The following ARID1B variants were observed in gnomAD, a reference collection of about 807,000 sequenced individuals.
The protein encoded by ARID1B is AT-rich interactive domain-containing protein 1B.
Under a neutral mutation model 212.3 loss-of-function variants are expected in ARID1B, and 30 were observed. The ratio of observed to expected loss-of-function variants is 0.14; its 90% CI spans 0.11 to 0.19. The LOEUF is 0.19. Among genes scored for constraint, ARID1B ranks in the 10% least tolerant of loss-of-function variants. The pLI, the probability that ARID1B is intolerant of heterozygous loss-of-function variation, is 1.00. For missense variants in ARID1B, 2,891 were observed against 3,204.0 expected (o/e 0.90, Z 2.36); for synonymous variants, 1,402 against 1,301.7 (o/e 1.08, Z -1.66).
Position 156,777,973 on chromosome 6 carries a change from G to T in ARID1B, c.293G>T (p.Ser98Ile). 1 of 1,530,752 alleles carries T rather than the reference G, an allele frequency of 6.5e-7. No individual in the cohort carries two copies. The highest frequency in any genetic ancestry group is 1.2e-5 in the South Asian group (1 of 83,666). The allele number at this position is 1,530,752 out of a possible 1,614,324, so 94.8% of individuals were successfully genotyped here. The change falls in exon 1 of 20, where the codon AGC (serine) becomes ATC (isoleucine). Residue 98 changes from serine (S) to isoleucine (I), a missense_variant. Physicochemically the swap from Ser to Ile is moderately radical, Grantham distance 142. Transcript: ENST00000636930. ...AGAAAAAGTH[S>I]AKSGGSEAAL... Reference sequence around the variant, plus strand: ...GCCGCGGCCGCCGCCGGCACCCACAGCGCCAAGAGCGGCGGCTCCGAGGCG... The same window carrying T: ...GCCGCGGCCGCCGCCGGCACCCACATCGCCAAGAGCGGCGGCTCCGAGGCG...
rs186345765 is a variant in ARID1B, at chr6:157,199,919, A to C, written c.4480-786A>C. Among the ~76,000 whole-genome samples the C allele has an allele frequency of 4.1e-3, 627 of 152,258 alleles. 6 individuals are homozygous for C. The highest frequency in any genetic ancestry group is 0.014 in the African/African-American group (566 of 41,542). ...TGACCTCAGGTGATCCTCCTGCCTC[A>C]GCCTCCCAAAGTGCTGGGATTACAG... is the stretch of plus-strand genomic sequence containing the variant. On this transcript the variant is annotated intron_variant, in intron 17 of 19. Coordinates refer to ENST00000636930, the MANE Select transcript of ARID1B (RefSeq NM_001374828.1).
chr6:157,193,847 G>C (rs1003175406), intron 15 of ARID1B: 1 of 152,252 alleles, frequency 6.6e-6, no homozygotes, highest in African/African-American at 2.4e-5. Flanking sequence ...CCCAGGCTGC[G>C]AATGCTGGGA....
chr6:157,167,211 G>C (rs2128291440), intron 9 of ARID1B, 26 bp downstream of exon 9: 1 of 1,596,178 alleles, frequency 6.3e-7, no homozygotes, highest in East Asian at 2.3e-5. Context: ...CTGCGCTCCT[G>C]AGCCCCTCTC....
intron 4 of ARID1B, among the ~76,000 whole-genome samples, chr6:157,034,887 CT>C (rs1781226709): frequency 6.6e-6 from 1 of 152,114 alleles, no homozygotes; most frequent in African/African-American, 2.4e-5. Flanking sequence ...AACATAAATA[CT>C]TTTGTAGAGT....
rs1277043745 is a variant in ARID1B at position 156,935,527 on chromosome 6, A to G, written c.2198A>G (p.Asn733Ser). 4 of 1,614,048 alleles carry G rather than the reference A, an allele frequency of 2.5e-6. No homozygotes were observed. The highest frequency in any genetic ancestry group is 3.4e-6 in the Non-Finnish European group (4 of 1,179,914). The change falls in exon 4 of 20, where the codon AAC becomes AGC. Residue 733 changes from asparagine (N) to serine (S), a missense_variant. Transcript: ENST00000636930. ...CCTCCTCTGGCCCCCGGAAAACCTA[A>G]CCATGAAGACTTGAACTTAATACAG... ...SQPPLAPGKP[N>S]HEDLNLIQQE...
chr6:156,835,381 G>T (rs1783440929), intron 2 of ARID1B, among the ~76,000 whole-genome samples: 1 of 152,058 alleles, frequency 6.6e-6, no homozygotes, highest in African/African-American at 2.4e-5. Context: ...TGTTAGAAGA[G>T]ATCATATTTT....
chr6:157,053,631 C>G (rs117253945), intron 4 of ARID1B, among the ~76,000 whole-genome samples: 2,995 of 152,266 alleles, frequency 0.02, 46 homozygotes, highest in Non-Finnish European at 0.033. Context: ...AAATGATTCC[C>G]TCTTTAAGGA....
chr6:156,971,837 T>C (rs762743932), intron 4 of ARID1B, among the ~76,000 whole-genome samples: 1 of 152,210 alleles, frequency 6.6e-6, no homozygotes, highest in Admixed American at 6.5e-5. Context: ...GATAATTTCC[T>C]TTTCGATTAA....
chr6:156,905,589 A>G (rs1459922899), intron 3 of ARID1B, among the ~76,000 whole-genome samples: 3 of 152,206 alleles, frequency 2.0e-5, no homozygotes, highest in Non-Finnish European at 2.9e-5. Context: ...CCTTTCCCTG[A>G]TGCCACTAAA....
At chr6:156,812,415 T>G (rs1781613143) in intron 1 of ARID1B, among the ~76,000 whole-genome samples, 1 of 152,118 alleles carries the variant, frequency 6.6e-6, no homozygotes, top group South Asian at 2.1e-4. Context: ...AAGAAGTGGT[T>G]ACTCTCCCCT....
intron 2 of ARID1B, chr6:156,870,152 TTG>T (rs1408702249): frequency 6.6e-6 from 1 of 152,318 alleles, no homozygotes; most frequent in Non-Finnish European, 1.5e-5. Context: ...ATTACAGTCT[TTG>T]AAGAAGTAGG....
At chr6:157,197,584 C>G (rs1046755156) in intron 16 of ARID1B, among the ~76,000 whole-genome samples, 1 of 152,216 alleles carries the variant, frequency 6.6e-6, no homozygotes, top group African/African-American at 2.4e-5. Context: ...TTAACCCGGC[C>G]ATAATACGGC....
chr6:156,850,067 C>G (rs552714674), intron 2 of ARID1B, among the ~76,000 whole-genome samples: 78 of 149,488 alleles, frequency 5.2e-4, no homozygotes, highest in African/African-American at 1.9e-3. Flanking sequence ...TAGATGCAGG[C>G]CCGCCCAGCC....
chr6:156,925,175 G>A (rs1185821680), intron 3 of ARID1B, among the ~76,000 whole-genome samples: 1 of 152,160 alleles, frequency 6.6e-6, no homozygotes, highest in Non-Finnish European at 1.5e-5. Context: ...TCCCCTCAGG[G>A]TTCCTCTATA....
chr6:157,164,638 G>C (rs1417694289), intron 8 of ARID1B: 1 of 151,518 alleles, frequency 6.6e-6, no homozygotes, highest in Non-Finnish European at 1.5e-5. Context: ...CTTTTTTTTA[G>C]TAATTCTCAT....
chr6:156,891,736 T>TCCC (rs375927292), intron 2 of ARID1B, among the ~76,000 whole-genome samples: 7 of 151,646 alleles, frequency 4.6e-5, no homozygotes, highest in African/African-American at 1.2e-4. Context: ...CTCTTTTTTT[T>TCCC]CCCCCCCTCA....
intron 4 of ARID1B, chr6:156,976,856 GA>G: frequency 1.7e-6 from 1 of 580,024 alleles, no homozygotes; most frequent in Non-Finnish European, 3.3e-6. Context: ...ACAGAGCTGG[GA>G]AAATTGTTGT....
At chr6:157,192,111 A>G (rs1583484707) in intron 15 of ARID1B, among the ~76,000 whole-genome samples, 1 of 152,224 alleles carries the variant, frequency 6.6e-6, no homozygotes, top group South Asian at 2.1e-4. Context: ...TTTGTAGGAC[A>G]TGCAGTAAAT....
At chr6:157,119,368 G>C (rs551044990) in intron 6 of ARID1B, among the ~76,000 whole-genome samples, 2 of 152,182 alleles carry the variant, frequency 1.3e-5, no homozygotes, top group Non-Finnish European at 2.9e-5. Context: ...GGATAAAGGT[G>C]CACTGATCTG....
Sources: gnomAD v4.1 joint callset for allele counts (sites outside exome capture counted in the v4.1 genomes callset) on GRCh38, gnomAD v4.1.1 for gene constraint, MANE v1.5 for transcripts, NCBI Gene and HGNC (gene_info 2026-07-23, HGNC 2026-07-21) for gene names.